The following DTNA variants were observed in gnomAD, a reference collection of about 807,000 sequenced individuals.
DTNA encodes dystrophin-related protein 3.
A neutral mutation model predicts 100.7 loss-of-function variants in DTNA; 43 were observed. That is an observed-to-expected ratio of 0.43 (90% CI 0.33 to 0.55). The LOEUF is 0.55. Ranked by LOEUF, DTNA falls within the 20% of genes least tolerant of loss-of-function variation. The pLI is 0.04. For synonymous variants in DTNA, 349 were observed against 347.9 expected, an observed-to-expected ratio of 1.00 and a Z score of -0.04; for missense variants, 798 against 953.9, an observed-to-expected ratio of 0.84 and a Z score of 2.15.
At chr18:34,564,625 T>C (rs1341120877) in intron 1 of DTNA, among the ~76,000 whole-genome samples, 1 of 152,232 alleles carries the variant, frequency 6.6e-6, no homozygotes, top group Non-Finnish European at 1.5e-5. Context: ...CTCCCATTCG[T>C]CTGTCTTTCA....
At position 34,821,457 on chromosome 18, in the gene DTNA, A is replaced by G. The variant is rs1341477630; in HGVS notation, c.1001+542A>G. ...GGAAAATTTATCAGAATATCCATAG[A>G]TTCTTTTCTTCAAAGTATGTGTGAG... is the stretch of plus-strand genomic sequence containing the variant. On this transcript the variant is annotated intron_variant, in intron 9 of 22. Coordinates refer to ENST00000444659, the MANE Select transcript of DTNA (RefSeq NM_001386795.1). 8 of 456,238 alleles carry G rather than the reference A, an allele frequency of 1.8e-5. No homozygotes were observed. The East Asian group carries it at 5.6e-4, about 32-fold the overall frequency. The allele number at this position is 456,238 out of a possible 1,614,324, so 28.3% of individuals were successfully genotyped here. A position where few individuals can be genotyped will look rare whatever the true frequency, so the allele number is the denominator to read the frequency against.
intron 1 of DTNA, among the ~76,000 whole-genome samples, chr18:34,735,856 G>A (rs1053350132): frequency 6.6e-6 from 1 of 152,014 alleles, no homozygotes; most frequent in Non-Finnish European, 1.5e-5. Context: ...AACTGTTAAG[G>A]TGTACTCTTC....
intron 1 of DTNA, among the ~76,000 whole-genome samples, chr18:34,588,637 G>T (rs1238261365): frequency 1.3e-5 from 2 of 151,134 alleles, no homozygotes; most frequent in Non-Finnish European, 2.9e-5. Context: ...AGATGAGGAG[G>T]AGGGTGAGGA....
chr18:34,710,983 A>G (rs753188875), intron 1 of DTNA, among the ~76,000 whole-genome samples: 1 of 152,190 alleles, frequency 6.6e-6, no homozygotes, highest in South Asian at 2.1e-4. Flanking sequence ...TCTAACATGT[A>G]TAGTCCGGTT....
intron 1 of DTNA, among the ~76,000 whole-genome samples, chr18:34,628,973 C>T (rs186194523): frequency 6.6e-6 from 1 of 152,236 alleles, no homozygotes; most frequent in South Asian, 2.1e-4. Context: ...ATGATATTAT[C>T]TCAATCTAAC....
intron 1 of DTNA, among the ~76,000 whole-genome samples, chr18:34,645,861 A>G (rs1256828373): frequency 6.6e-6 from 1 of 152,050 alleles, no homozygotes; most frequent in Non-Finnish European, 1.5e-5. Context: ...CATTTTTTGA[A>G]AAAATTGGGT....
intron 1 of DTNA, among the ~76,000 whole-genome samples, chr18:34,685,909 G>T (rs2078825740): frequency 6.6e-6 from 1 of 152,158 alleles, no homozygotes; most frequent in African/African-American, 2.4e-5. Context: ...AATTGTGAAT[G>T]GGAGTTTGCT....
chr18:34,595,492 T>C (rs2050411447), intron 1 of DTNA, among the ~76,000 whole-genome samples: 1 of 152,236 alleles, frequency 6.6e-6, no homozygotes, highest in Admixed American at 6.5e-5. Context: ...TCTCTGCTAC[T>C]ATTATATCAC....
chr18:34,652,855 G>A (rs2073800023), intron 1 of DTNA, among the ~76,000 whole-genome samples: 1 of 152,054 alleles, frequency 6.6e-6, no homozygotes, highest in African/African-American at 2.4e-5. Context: ...ATCTATCATC[G>A]GGTAATGCCC....
intron 1 of DTNA, among the ~76,000 whole-genome samples, chr18:34,734,333 CTCTT>C (rs944704059): frequency 7.9e-5 from 12 of 152,126 alleles, no homozygotes; most frequent in Admixed American, 7.2e-4. Context: ...GATGGGAAAG[CTCTT>C]TCTTCTGGCA....
chr18:34,578,779 G>A (rs914764212), intron 1 of DTNA, among the ~76,000 whole-genome samples: 1 of 152,080 alleles, frequency 6.6e-6, no homozygotes, highest in African/African-American at 2.4e-5. Context: ...TTGGCTATAA[G>A]TATTTGGGTT....
chr18:34,588,388 C>T lies in DTNA; in HGVS notation c.-2+94874C>T, dbSNP rs73428110. On this transcript the variant is annotated intron_variant, in intron 1 of 19. Coordinates refer to the DTNA transcript ENST00000283365. Reference sequence around the variant, plus strand: ...AACCCAGCTTACAGTCTGCCCCCAACCCCCTACCTATAGTGTGCCAGATTC... The same window carrying T: ...AACCCAGCTTACAGTCTGCCCCCAATCCCCTACCTATAGTGTGCCAGATTC... Among the ~76,000 whole-genome samples the T allele has an allele frequency of 5.8e-3, 887 of 152,240 alleles. 12 individuals are homozygous for T. The highest frequency in any genetic ancestry group is 0.02 in the African/African-American group (841 of 41,540).
chr18:34,559,457 C>A (rs1360272042), intron 1 of DTNA, among the ~76,000 whole-genome samples: 1 of 152,128 alleles, frequency 6.6e-6, no homozygotes, highest in Non-Finnish European at 1.5e-5. Context: ...GCTTAGTGCA[C>A]AAATGAGTGT....
chr18:34,598,044 T>G (rs780865692), intron 1 of DTNA, among the ~76,000 whole-genome samples: 2 of 152,158 alleles, frequency 1.3e-5, no homozygotes, highest in African/African-American at 4.8e-5. Context: ...AGGAATTTGT[T>G]TTGTTAATAT....
intron 1 of DTNA, among the ~76,000 whole-genome samples, chr18:34,512,487 T>C (rs2041190603): frequency 1.3e-5 from 2 of 152,076 alleles, no homozygotes; most frequent in African/African-American, 2.4e-5. Flanking sequence ...ATGAAATAAA[T>C]GTCTGCCACT....
chr18:34,603,761 A>C (rs1412738845), intron 1 of DTNA, among the ~76,000 whole-genome samples: 2 of 152,202 alleles, frequency 1.3e-5, no homozygotes, highest in African/African-American at 4.8e-5. Flanking sequence ...GAATATGATC[A>C]CACATCGTTA....
chr18:34,717,674 T>C (rs969460230), intron 1 of DTNA, among the ~76,000 whole-genome samples: 6 of 152,156 alleles, frequency 3.9e-5, no homozygotes, highest in African/African-American at 1.4e-4. Flanking sequence ...CCTTGGAGTA[T>C]CCTAAGGAGT....
intron 15 of DTNA, among the ~76,000 whole-genome samples, chr18:34,857,671 T>G (rs1425322063): frequency 1.3e-5 from 2 of 152,022 alleles, no homozygotes; most frequent in Non-Finnish European, 2.9e-5. Context: ...CCTTCTAAGG[T>G]GGACTTCCCT....
intron 1 of DTNA, among the ~76,000 whole-genome samples, chr18:34,621,273 A>G (rs943391599): frequency 2.0e-5 from 3 of 150,502 alleles, no homozygotes; most frequent in Admixed American, 6.6e-5. Context: ...GTGTGTATAT[A>G]TATACACACA....
Sources: gnomAD v4.1 joint callset for allele counts (sites outside exome capture counted in the v4.1 genomes callset) on GRCh38, gnomAD v4.1.1 for gene constraint, MANE v1.5 for transcripts, NCBI Gene and HGNC (gene_info 2026-07-23, HGNC 2026-07-21) for gene names.